WDR64: variants seen among roughly 807,000 people sequenced by gnomAD.
WDR64 encodes the protein WD repeat-containing protein 64.
Under a neutral mutation model 139.3 loss-of-function variants are expected in WDR64, and 112 were observed. That is an observed-to-expected ratio of 0.80 (90% CI 0.69 to 0.94). WDR64 has a LOEUF of 0.94. Ranked by LOEUF, WDR64 falls within the 40% of genes least tolerant of loss-of-function variation. WDR64 has a pLI of 0.00. For missense variants in WDR64, 1,206 were observed against 1,293.1 expected (o/e 0.93, Z 1.03); for synonymous variants, 444 against 437.7 (o/e 1.01, Z -0.18).
intron 8 of WDR64, among the ~76,000 whole-genome samples, chr1:241,695,872 G>T (rs1558476786): frequency 6.6e-6 from 1 of 152,004 alleles, no homozygotes; most frequent in Non-Finnish European, 1.5e-5. Context: ...CCAGCACTTT[G>T]GGAGGCCAAG....
Position 241,735,531 on chromosome 1 carries a change from C to CCCTTTTTT in WDR64, c.1195-2832_1195-2831insCCTTTTTT, listed in dbSNP as rs1296893731. Among the ~76,000 whole-genome samples the CCCTTTTTT allele has an allele frequency of 6.3e-3, 614 of 96,720 alleles. 17 individuals are homozygous for CCCTTTTTT. The highest frequency in any genetic ancestry group is 0.024 in the African/African-American group (581 of 24,328). The allele number at this position is 96,720 out of a possible 152,430, so 63.5% of individuals were successfully genotyped here. ...TAGTTCTCTGTCTCTCTCTCTCTCT[C>CCCTTTTTT]TCTTTTTTTTTTTTTTTTTTTGATA... On this transcript the variant is annotated intron_variant, in intron 10 of 27. Coordinates refer to ENST00000437684, the MANE Select transcript of WDR64 (RefSeq NM_001367482.1).
At chr1:241,746,054 A>T (rs189570459) in intron 13 of WDR64, among the ~76,000 whole-genome samples, 41 of 152,318 alleles carry the variant, frequency 2.7e-4, no homozygotes, top group African/African-American at 8.4e-4. Flanking sequence ...CCTTGAGGGT[A>T]GGCACTATGA....
rs1302816080 is a variant in WDR64, at chr1:241,656,366, T to C, written c.145+3737T>C. Among the ~76,000 whole-genome samples, 9 of 152,226 alleles carry C rather than the reference T, an allele frequency of 5.9e-5. No individual in the cohort carries two copies. The highest frequency in any genetic ancestry group is 2.2e-4 in the African/African-American group (9 of 41,462). On this transcript the variant is annotated intron_variant, in intron 1 of 27. Transcript: ENST00000437684. This position sits in a 1 kb window ranked among gnomAD's most constrained non-coding sequence, Gnocchi z 4.3. Reference sequence around the variant, plus strand: ...ATTGAAGGAATTTGTTCAAAAGTAATGCTCTTAGATCTTGTGAGTGACCTG... The same window carrying C: ...ATTGAAGGAATTTGTTCAAAAGTAACGCTCTTAGATCTTGTGAGTGACCTG...
chr1:241,675,917 A>ATGG (rs1666537742), intron 4 of WDR64, among the ~76,000 whole-genome samples: 1 of 152,222 alleles, frequency 6.6e-6, no homozygotes, highest in Non-Finnish European at 1.5e-5. Flanking sequence ...ATGTTACAAT[A>ATGG]TACCCTACAT....
At chr1:241,720,500 C>T (rs1306711102) in intron 9 of WDR64, among the ~76,000 whole-genome samples, 2 of 152,172 alleles carry the variant, frequency 1.3e-5, no homozygotes, top group Non-Finnish European at 2.9e-5. Context: ...ACCATTCTCA[C>T]TGGCATGAGA....
At chr1:241,761,383 G>T (rs904486002) in intron 15 of WDR64, among the ~76,000 whole-genome samples, 10 of 151,898 alleles carry the variant, frequency 6.6e-5, no homozygotes, top group African/African-American at 2.4e-4. Context: ...TACCCTTCTT[G>T]TTAAAATATA....
chr1:241,776,507 G>T (rs549358692), intron 21 of WDR64, among the ~76,000 whole-genome samples: 3 of 151,900 alleles, frequency 2.0e-5, no homozygotes, highest in Non-Finnish European at 4.4e-5. Flanking sequence ...TTTATTTAAG[G>T]TTATCCCTGT....
Position 241,775,225 on chromosome 1 carries a change from T to C in WDR64, c.2536+15T>C. ...TGGAAATGTGGGTGAGTCATTACTCTTAGACATTCAGTGACAGGTGTCTTA... is the reference window on the plus strand; with the variant it reads ...TGGAAATGTGGGTGAGTCATTACTCCTAGACATTCAGTGACAGGTGTCTTA... On this transcript the variant is annotated intron_variant, in intron 21 of 27. Transcript: ENST00000437684. 1 of 1,540,862 alleles carries C rather than the reference T, an allele frequency of 6.5e-7. No homozygotes were observed. Among genetic ancestry groups the C allele is most frequent in the Non-Finnish European group, 8.8e-7 (1 of 1,141,058 alleles).
At chr1:241,755,142 C>G (rs1670134514) in intron 14 of WDR64, among the ~76,000 whole-genome samples, 1 of 152,206 alleles carries the variant, frequency 6.6e-6, no homozygotes, top group African/African-American at 2.4e-5. Context: ...TGAGGAATTG[C>G]CACACTGTCT....
chr1:241,720,401 C>G (rs1489880419), intron 9 of WDR64, among the ~76,000 whole-genome samples: 1 of 152,120 alleles, frequency 6.6e-6, no homozygotes, highest in Non-Finnish European at 1.5e-5. Context: ...AGTGGTTGAA[C>G]TAATTTACAC....
intron 15 of WDR64, among the ~76,000 whole-genome samples, chr1:241,757,947 ATT>A (rs1670270114): frequency 6.6e-6 from 1 of 152,208 alleles, no homozygotes; most frequent in Non-Finnish European, 1.5e-5. Flanking sequence ...TCACATATTC[ATT>A]CAGTGTTCAA....
intron 25 of WDR64, among the ~76,000 whole-genome samples, chr1:241,792,654 A>G (rs1659243499): frequency 6.6e-6 from 1 of 152,242 alleles, no homozygotes; most frequent in Non-Finnish European, 1.5e-5. Context: ...AATGGTTTAA[A>G]ATAAAGTGGC....
chr1:241,681,789 T>A (rs1407715486), intron 6 of WDR64, among the ~76,000 whole-genome samples: 2 of 152,210 alleles, frequency 1.3e-5, no homozygotes, highest in Admixed American at 1.3e-4. Context: ...ACGTCTATTA[T>A]TTTTTGGGTT....
chr1:241,687,109 A>T (rs1263817754), intron 7 of WDR64, among the ~76,000 whole-genome samples: 1 of 152,188 alleles, frequency 6.6e-6, no homozygotes, highest in Non-Finnish European at 1.5e-5. Context: ...GTTCGAGACC[A>T]GCCTAGCCAA....
chr1:241,748,529 C>CT (rs1426528662), intron 13 of WDR64, among the ~76,000 whole-genome samples: 1 of 152,068 alleles, frequency 6.6e-6, no homozygotes, highest in East Asian at 1.9e-4. Flanking sequence ...AATTTGGGGC[C>CT]TTTTTTATAA....
intron 14 of WDR64, among the ~76,000 whole-genome samples, chr1:241,755,747 G>A: frequency 6.6e-6 from 1 of 152,178 alleles, no homozygotes; most frequent in Non-Finnish European, 1.5e-5. Flanking sequence ...TAAGGTGTAA[G>A]GAAGGGGTCC....
At chr1:241,677,241 C>T in intron 4 of WDR64, 2 of 397,548 alleles carry the variant, frequency 5.0e-6, no homozygotes, top group East Asian at 3.6e-5. Flanking sequence ...AGGTGACTTC[C>T]ATTAAAGATA....
At chr1:241,745,194 A>G (rs2148252639) in intron 13 of WDR64, among the ~76,000 whole-genome samples, 1 of 152,232 alleles carries the variant, frequency 6.6e-6, no homozygotes, top group South Asian at 2.1e-4. Context: ...AGCTACTCTG[A>G]ATATATTTAC....
chr1:241,669,795 C>T (rs1666153865), intron 2 of WDR64, among the ~76,000 whole-genome samples: 2 of 152,126 alleles, frequency 1.3e-5, no homozygotes, highest in Non-Finnish European at 2.9e-5. Context: ...AACAAAATGG[C>T]ACATTGCTGG....
Sources: allele counts gnomAD v4.1 joint callset (sites outside exome capture counted in the v4.1 genomes callset), GRCh38; gene constraint gnomAD v4.1.1; non-coding constraint Gnocchi (gnomAD v3.1); transcripts MANE v1.5; gene names NCBI Gene and HGNC (gene_info 2026-07-23, HGNC 2026-07-21).